Variants in GRM8 observed in about 807,000 individuals in gnomAD.
GRM8 encodes the protein metabotropic glutamate receptor 8.
GRM8 carries 47 observed loss-of-function variants against 87.2 expected under a neutral mutation model. The observed-to-expected ratio is 0.54, with a 90% CI of 0.43 to 0.69. GRM8 has a LOEUF of 0.69. GRM8 is among the 30% of genes least tolerant of loss of function. The pLI, the probability that GRM8 is intolerant of heterozygous loss-of-function variation, is 0.00. For synonymous variants in GRM8, 396 were observed against 404.5 expected (o/e 0.98, Z 0.25); for missense variants, 1,019 against 1,139.2 (o/e 0.89, Z 1.52).
chr7:126,565,000 T>A (rs889657817), intron 8 of GRM8, among the ~76,000 whole-genome samples: 1 of 152,176 alleles, frequency 6.6e-6, no homozygotes, highest in Non-Finnish European at 1.5e-5. Context: ...TTTGATGAAA[T>A]TCAACCACAA....
intron 2 of GRM8, among the ~76,000 whole-genome samples, chr7:127,225,568 T>C (rs942607986): frequency 6.6e-6 from 1 of 151,720 alleles, no homozygotes; most frequent in African/African-American, 2.4e-5. Flanking sequence ...ACGCAACAAT[T>C]TGGAGCAGTG....
At chr7:126,704,278 T>C (rs1810250543) in intron 7 of GRM8, among the ~76,000 whole-genome samples, 1 of 152,182 alleles carries the variant, frequency 6.6e-6, no homozygotes, top group Non-Finnish European at 1.5e-5. Context: ...TGGACACTTA[T>C]CACTTCCCCA....
At chr7:126,573,666 C>T (rs912994133) in intron 8 of GRM8, among the ~76,000 whole-genome samples, 4 of 151,824 alleles carry the variant, frequency 2.6e-5, no homozygotes, top group Admixed American at 1.3e-4. Context: ...CTCATTGCAA[C>T]GTCCGCCTCC....
At chr7:127,236,794 A>G (rs1798005525) in intron 2 of GRM8, among the ~76,000 whole-genome samples, 2 of 152,216 alleles carry the variant, frequency 1.3e-5, no homozygotes, top group Admixed American at 1.3e-4. Flanking sequence ...GATGAGGGAG[A>G]GAGTAGAGAG....
chr7:126,838,391 T>C (rs28417454), intron 6 of GRM8, among the ~76,000 whole-genome samples: 3,054 of 152,274 alleles, frequency 0.02, 111 homozygotes, highest in African/African-American at 0.07. Flanking sequence ...TATTCAACAC[T>C]GAGGTACTGA....
chr7:126,921,812 T>A (rs1804562207), intron 3 of GRM8, among the ~76,000 whole-genome samples: 1 of 152,302 alleles, frequency 6.6e-6, no homozygotes, highest in East Asian at 1.9e-4. Context: ...TACCTTTTTT[T>A]AGGAAGCTTC....
chr7:127,211,605 G>T (rs1404488819), intron 2 of GRM8, among the ~76,000 whole-genome samples: 7 of 152,176 alleles, frequency 4.6e-5, no homozygotes, highest in Non-Finnish European at 5.9e-5. Context: ...AACCCCCAGG[G>T]TGATGTTATT....
At chr7:126,689,987 G>A (rs758568415) in intron 7 of GRM8, among the ~76,000 whole-genome samples, 6 of 152,174 alleles carry the variant, frequency 3.9e-5, no homozygotes, top group East Asian at 1.9e-4. Flanking sequence ...AAGTTGGCCC[G>A]AGGATGACAT....
At chr7:126,878,518 TC>T (rs1799726528) in intron 6 of GRM8, among the ~76,000 whole-genome samples, 1 of 135,430 alleles carries the variant, frequency 7.4e-6, no homozygotes, top group Non-Finnish European at 1.5e-5. Context: ...GTCGTCTTCT[TC>T]TTTTTTTTTT....
chr7:126,753,642 G>A (rs949203683), intron 7 of GRM8, among the ~76,000 whole-genome samples: 1 of 151,672 alleles, frequency 6.6e-6, no homozygotes, highest in African/African-American at 2.4e-5. Context: ...AAGAAAACCT[G>A]AGGTACTTAT....
At chr7:126,731,829 TC>T (rs1311866997) in intron 7 of GRM8, among the ~76,000 whole-genome samples, 2 of 152,014 alleles carry the variant, frequency 1.3e-5, no homozygotes, top group Non-Finnish European at 2.9e-5. Context: ...CTAATAAATA[TC>T]CATAAATAAA....
rs1176917546 is a variant in GRM8, at chr7:126,509,632, A to T, written c.2430+23320T>A. 3.9e-5 allele frequency among the ~76,000 whole-genome samples: 6 copies of T among 152,090 alleles called. No homozygotes were observed. The East Asian group carries it at 9.7e-4, about 25-fold the overall frequency. On this transcript the variant is annotated intron_variant, in intron 9 of 10. Transcript: ENST00000339582. ...TATCCCTTTGAGGTAGGTAATTATC[A>T]CCTCCAATTACACAGATTTTTTAAA...
intron 3 of GRM8, among the ~76,000 whole-genome samples, chr7:127,007,023 A>G (rs1814388268): frequency 6.6e-6 from 1 of 152,030 alleles, no homozygotes; most frequent in Non-Finnish European, 1.5e-5. Flanking sequence ...TCGAGTAGAC[A>G]CTGGGATCCT....
intron 7 of GRM8, among the ~76,000 whole-genome samples, chr7:126,668,459 C>T (rs184152713): frequency 3.3e-5 from 5 of 152,256 alleles, no homozygotes; most frequent in African/African-American, 4.8e-5. Flanking sequence ...CTGTCTCCCC[C>T]AGGCCTTTTC....
chr7:126,715,410 C>T (rs1427332414), intron 7 of GRM8, among the ~76,000 whole-genome samples: 14 of 152,176 alleles, frequency 9.2e-5, no homozygotes, highest in Admixed American at 9.2e-4. Flanking sequence ...GTTTACATTT[C>T]TCTCAACTGT....
At chr7:127,102,683 T>G (rs1825409772) in intron 3 of GRM8, among the ~76,000 whole-genome samples, 1 of 152,184 alleles carries the variant, frequency 6.6e-6, no homozygotes, top group Non-Finnish European at 1.5e-5. Flanking sequence ...ACCCTCTCCC[T>G]ACATTTCAGA....
chr7:126,643,494 G>A (rs1295182903), intron 7 of GRM8, among the ~76,000 whole-genome samples: 4 of 149,880 alleles, frequency 2.7e-5, no homozygotes, highest in African/African-American at 9.8e-5. Context: ...TTATATGTGT[G>A]TATATGTCCA....
chr7:126,592,105 C>A (rs1796726498), intron 8 of GRM8, among the ~76,000 whole-genome samples: 1 of 149,810 alleles, frequency 6.7e-6, no homozygotes, highest in Non-Finnish European at 1.5e-5. Context: ...ATAAACAGAC[C>A]AATAATGAGT....
chr7:126,644,290 T>C (rs1345894788), intron 7 of GRM8, among the ~76,000 whole-genome samples: 1 of 152,226 alleles, frequency 6.6e-6, no homozygotes, highest in African/African-American at 2.4e-5. Flanking sequence ...CTCATAAATA[T>C]TCCCTCTTTC....
Sources: allele counts gnomAD v4.1 joint callset (sites outside exome capture counted in the v4.1 genomes callset), GRCh38; gene constraint gnomAD v4.1.1; transcripts MANE v1.5; gene names NCBI Gene and HGNC (gene_info 2026-07-23, HGNC 2026-07-21).